Variants in R3HCC1L observed in about 807,000 individuals in gnomAD.
R3HCC1L encodes the protein R3H domain and coiled-coil containing 1 like.
In R3HCC1L, 51 loss-of-function variants were observed where a neutral mutation model predicts 59.9. The ratio of observed to expected loss-of-function variants is 0.85; its 90% CI spans 0.68 to 1.07. R3HCC1L has a LOEUF of 1.07. Ranked by LOEUF, R3HCC1L falls within the 50% of genes least tolerant of loss-of-function variation. R3HCC1L has a pLI of 0.00. For synonymous variants in R3HCC1L, 322 were observed against 315.2 expected, an observed-to-expected ratio of 1.02 and a Z score of -0.23; for missense variants, 965 against 933.0, an observed-to-expected ratio of 1.03 and a Z score of -0.45.
chr10:98,234,444 A>T lies in R3HCC1L; in HGVS notation c.1962-2A>T. 6.2e-7 allele frequency: 1 copy of T among 1,612,136 alleles called. No individual in the cohort carries two copies. The highest frequency in any genetic ancestry group is 1.1e-5 in the South Asian group (1 of 90,706). On this transcript the variant is annotated splice_acceptor_variant, in intron 6 of 9. Transcript: ENST00000298999. LOFTEE classifies it high-confidence loss of function. ...AAATAAAATTGTTTTTTTGTGTTGC[A>T]GAAAGAAAGGATTTGATATTAAATG...
chr10:98,138,766 C>T (rs1387158358), intron 1 of R3HCC1L, among the ~76,000 whole-genome samples: 1 of 152,084 alleles, frequency 6.6e-6, no homozygotes, highest in African/African-American at 2.4e-5. Context: ...GGAGTCAAGA[C>T]AGACCAAGGT....
intron 5 of R3HCC1L, among the ~76,000 whole-genome samples, chr10:98,212,079 G>A (rs1425739575): frequency 6.6e-6 from 1 of 152,108 alleles, no homozygotes; most frequent in East Asian, 1.9e-4. Context: ...TGAGGAATGA[G>A]CATAACTGAG....
chr10:98,230,342 C>A lies in R3HCC1L; in HGVS notation c.1786-1170C>A, dbSNP rs1173280431. 3.9e-5 allele frequency among the ~76,000 whole-genome samples: 6 copies of A among 152,274 alleles called. No individual in the cohort carries two copies. The South Asian group carries it at 1.2e-3, about 32-fold the overall frequency. ...TATGTGTCGAGGAATTTATCCATTTCTTCTAGATTTTCCAGTTTATTTGCG... is the reference window on the plus strand; with the variant it reads ...TATGTGTCGAGGAATTTATCCATTTATTCTAGATTTTCCAGTTTATTTGCG... On this transcript the variant is annotated intron_variant, in intron 5 of 9. Transcript: ENST00000298999.
At chr10:98,229,168 C>T (rs1856050045) in intron 5 of R3HCC1L, among the ~76,000 whole-genome samples, 1 of 152,038 alleles carries the variant, frequency 6.6e-6, no homozygotes, top group African/African-American at 2.4e-5. Flanking sequence ...CTATAAATTA[C>T]CTTGGGCAGT....
chr10:98,156,849 G>A (rs1016696813), intron 2 of R3HCC1L, among the ~76,000 whole-genome samples: 2 of 152,130 alleles, frequency 1.3e-5, no homozygotes, highest in Non-Finnish European at 2.9e-5. Context: ...GTAGTCTTTG[G>A]TAACTTTTTA....
At position 98,208,925 on chromosome 10, in the gene R3HCC1L, G is replaced by C; in HGVS notation, c.811G>C (p.Gly271Arg). 1 of 1,614,058 alleles carries C rather than the reference G, an allele frequency of 6.2e-7. No individual in the cohort carries two copies. The highest frequency in any genetic ancestry group is 8.5e-7 in the Non-Finnish European group (1 of 1,179,970). Residue 271 changes from glycine to arginine, a missense_variant, in exon 5 of 10, where the codon GGA becomes CGA. Physicochemically the swap from Gly to Arg is moderately radical, Grantham distance 125 (BLOSUM62 -2). Coordinates refer to ENST00000298999, the MANE Select transcript of R3HCC1L (RefSeq NM_001351015.2). ...SGGITTTSVPGSPDGVFDQTC... is the reference protein window; with the variant it reads ...SGGITTTSVPRSPDGVFDQTC... ...AGGCATCACCACTACTTCTGTTCCT[G>C]GAAGTCCAGATGGTGTCTTTGATCA...
intron 4 of R3HCC1L, among the ~76,000 whole-genome samples, chr10:98,173,527 C>T (rs1341683630): frequency 1.3e-5 from 2 of 152,134 alleles, no homozygotes; most frequent in Admixed American, 1.3e-4. Context: ...TGCATCCTGA[C>T]ATTCATAATC....
intron 5 of R3HCC1L, among the ~76,000 whole-genome samples, chr10:98,215,626 T>C (rs901260843): frequency 6.6e-6 from 1 of 152,200 alleles, no homozygotes; most frequent in South Asian, 2.1e-4. Context: ...CAAAAATCTT[T>C]GTTGCAGAAT....
chr10:98,191,887 T>A lies in R3HCC1L; in HGVS notation c.-14-16214T>A, dbSNP rs559482218. ...TTGCCCAGGCTGGAGTGCAGTGGCG[T>A]GATCTCGGCTCACTGTAACCTCTGC... On this transcript the variant is annotated intron_variant, in intron 4 of 9. Coordinates refer to ENST00000298999, the MANE Select transcript of R3HCC1L (RefSeq NM_001351015.2). Among the ~76,000 whole-genome samples, 3 of 152,260 alleles carry A rather than the reference T, an allele frequency of 2.0e-5. No individual in the cohort carries two copies. The South Asian group carries it at 6.2e-4, about 32-fold the overall frequency.
chr10:98,141,349 C>T (rs1845115130), intron 1 of R3HCC1L, among the ~76,000 whole-genome samples: 1 of 152,150 alleles, frequency 6.6e-6, no homozygotes, highest in African/African-American at 2.4e-5. Context: ...CTTATTTAAA[C>T]AGGTCTGCCA....
chr10:98,142,349 C>T (rs995382588), intron 1 of R3HCC1L, among the ~76,000 whole-genome samples: 3 of 152,006 alleles, frequency 2.0e-5, no homozygotes, highest in Non-Finnish European at 2.9e-5. Context: ...TTCTTTTTTT[C>T]TCTCTCTCTT....
intron 5 of R3HCC1L, among the ~76,000 whole-genome samples, 154 bp from the exon 6 acceptor site, chr10:98,231,358 T>C (rs1856363544): frequency 1.3e-5 from 2 of 152,220 alleles, no homozygotes; most frequent in South Asian, 4.1e-4. Flanking sequence ...TGATCATTAT[T>C]GTATCTGTGA....
intron 5 of R3HCC1L, among the ~76,000 whole-genome samples, chr10:98,210,823 T>C (rs1422979505): frequency 6.6e-6 from 1 of 152,198 alleles, no homozygotes; most frequent in African/African-American, 2.4e-5. Context: ...TTTGAGGCAT[T>C]CCAAAGACCC....
In R3HCC1L at chr10:98,235,506, C is replaced by T. The variant is rs753499609; in HGVS notation, c.2114C>T (p.Ala705Val). Residue 705 changes from alanine (A) to valine (V), a missense_variant, in exon 8 of 10, where the codon GCT becomes GTT. Coordinates refer to ENST00000298999, the MANE Select transcript of R3HCC1L (RefSeq NM_001351015.2). ...GCCACAAGAGCAGCCAAGGCCAAAGCTAGAGCTTATGCTGGTGAGTCTATA... is the reference window on the plus strand; with the variant it reads ...GCCACAAGAGCAGCCAAGGCCAAAGTTAGAGCTTATGCTGGTGAGTCTATA... Reference protein sequence around the residue: ...SQATRAAKAKARAYAEFLQPA... With the variant: ...SQATRAAKAKVRAYAEFLQPA... 24 of 1,612,050 alleles carry T rather than the reference C, an allele frequency of 1.5e-5. No homozygotes were observed. The highest frequency in any genetic ancestry group is 1.9e-5 in the Non-Finnish European group (22 of 1,178,772).
intron 4 of R3HCC1L, among the ~76,000 whole-genome samples, chr10:98,201,172 AG>A (rs747076018): frequency 5.3e-5 from 8 of 152,202 alleles, no homozygotes; most frequent in Non-Finnish European, 8.8e-5. Flanking sequence ...GATCCATTTT[AG>A]GGGGGTTTAC....
chr10:98,244,192 C>A lies in R3HCC1L; in HGVS notation c.*34C>A. The A allele has an allele frequency of 6.3e-7, 1 of 1,590,832 alleles. No homozygotes were observed. Among genetic ancestry groups the A allele is most frequent in the South Asian group, 1.1e-5 (1 of 90,458 alleles). ...CAATGAAAGGGATAATTCCATGAATCAGAAAATGTTTCCATAGCCTTCAGA... is the reference window on the plus strand; with the variant it reads ...CAATGAAAGGGATAATTCCATGAATAAGAAAATGTTTCCATAGCCTTCAGA... On this transcript the variant is annotated 3_prime_UTR_variant, in exon 10 of 10. Transcript: ENST00000298999.
intron 7 of R3HCC1L, among the ~76,000 whole-genome samples, chr10:98,234,780 T>A (rs1312886969): frequency 1.3e-5 from 2 of 152,160 alleles, no homozygotes; most frequent in Non-Finnish European, 2.9e-5. Context: ...CGTAAACAGA[T>A]TAAGGTAGAG....
intron 4 of R3HCC1L, among the ~76,000 whole-genome samples, chr10:98,191,683 T>G (rs1428694446): frequency 6.6e-6 from 1 of 152,224 alleles, no homozygotes; most frequent in South Asian, 2.1e-4. Flanking sequence ...AATTTTGGCT[T>G]TTGTTGCCAT....
chr10:98,237,618 C>G (rs1277910518), intron 9 of R3HCC1L, among the ~76,000 whole-genome samples: 1 of 152,164 alleles, frequency 6.6e-6, no homozygotes, highest in South Asian at 2.1e-4. Context: ...AGCGGGTACT[C>G]TATTGCTTTT....
Sources: allele counts gnomAD v4.1 joint callset (sites outside exome capture counted in the v4.1 genomes callset), GRCh38; gene constraint gnomAD v4.1.1; transcripts MANE v1.5; gene names NCBI Gene and HGNC (gene_info 2026-07-23, HGNC 2026-07-21).